FBN3: variants seen among roughly 807,000 people sequenced by gnomAD.
FBN3 encodes fibrillin-3.
A neutral mutation model predicts 330.1 loss-of-function variants in FBN3; 234 were observed. The ratio of observed to expected loss-of-function variants is 0.71; its 90% CI spans 0.64 to 0.79. The LOEUF (loss-of-function observed/expected upper bound fraction) is 0.79, where lower values mean the gene tolerates loss of function less well. FBN3 is among the 30% of genes least tolerant of loss of function. The probability of loss-of-function intolerance (pLI) is 0.00; values close to 1 mark genes in which losing one functional copy is unlikely to be tolerated. For missense variants in FBN3, 3,606 were observed against 3,886.9 expected (o/e 0.93, Z 1.92); for synonymous variants, 1,458 against 1,517.3 (o/e 0.96, Z 0.91).
chr19:8,103,002 C>A (rs1046405247), intron 39 of FBN3, 129 bp from the exon 40 acceptor site: 17 of 971,458 alleles, frequency 1.7e-5, no homozygotes, highest in Middle Eastern at 2.6e-4. Flanking sequence ...CACAGTGGCT[C>A]ATGCCTGTAA....
Position 8,096,107 on chromosome 19 carries a change from C to T in FBN3, c.5540-27G>A, listed in dbSNP as rs767972207. On this transcript the variant is annotated intron_variant, in intron 44 of 63. Transcript: ENST00000600128. The surrounding 1 kb of genome is among the most constrained non-coding windows in gnomAD (Gnocchi z 4.6). ...TGCAGAAGCAAAGCCGAGAGCCCAA[C>T]CCAGCTCACCCAGGGCATTGGGGAA... is the stretch of plus-strand genomic sequence containing the variant. 5 of 1,551,448 alleles carry T rather than the reference C, an allele frequency of 3.2e-6. No individual in the cohort carries two copies. Among genetic ancestry groups the T allele is most frequent in the Non-Finnish European group, 4.5e-6 (5 of 1,123,316 alleles).
chr19:8,136,565 T>C, intron 10 of FBN3, 34 bp from the exon 11 acceptor site: 2 of 1,610,944 alleles, frequency 1.2e-6, no homozygotes, highest in Non-Finnish European at 1.7e-6. Context: ...ATCTGAGCAG[T>C]GGCTGGCCCC....
At chr19:8,145,784 A>G (rs979163024) in intron 5 of FBN3, 59 bp downstream of exon 5, 5 of 1,339,602 alleles carry the variant, frequency 3.7e-6, no homozygotes, top group Non-Finnish European at 5.2e-6. Context: ...AGCAGAGACT[A>G]ATACTCTGGG....
chr19:8,069,661 C>G (rs1243112558), intron 63 of FBN3, among the ~76,000 whole-genome samples: 1 of 152,210 alleles, frequency 6.6e-6, no homozygotes, highest in Non-Finnish European at 1.5e-5. Flanking sequence ...TCACAGCTCT[C>G]TGCCGCTTTG....
chr19:8,089,720 C>T, intron 50 of FBN3, 50 bp from the exon 51 acceptor site: 2 of 1,606,754 alleles, frequency 1.2e-6, no homozygotes, highest in Non-Finnish European at 1.7e-6. Context: ...ACACAATCGC[C>T]AGAGCCCTGG....
chr19:8,084,419 C>T (rs1193714995), intron 56 of FBN3, among the ~76,000 whole-genome samples: 2 of 151,546 alleles, frequency 1.3e-5, no homozygotes, highest in Non-Finnish European at 1.5e-5. Flanking sequence ...TGCCTGTAAT[C>T]CCAGCATTTT....
chr19:8,072,956 C>T lies in FBN3; in HGVS notation c.7937+107G>A, dbSNP rs939955331. On this transcript the variant is annotated intron_variant, in intron 62 of 63. Transcript: ENST00000600128. Reference sequence around the variant, plus strand: ...GCTCTTCTGGTAAATTCTTGGCATGCACAAAGCCCCGTGTGTGTGTGTGTG... The same window carrying T: ...GCTCTTCTGGTAAATTCTTGGCATGTACAAAGCCCCGTGTGTGTGTGTGTG... 1.3e-5 allele frequency: 12 copies of T among 908,924 alleles called. No individual in the cohort carries two copies. In the Admixed American group the frequency reaches 1.5e-4, roughly 11 times the overall value. The allele number at this position is 908,924 out of a possible 1,614,324, so 56.3% of individuals were successfully genotyped here. A position where few individuals can be genotyped will look rare whatever the true frequency, so the allele number is the denominator to read the frequency against.
At chr19:8,091,744 C>T (rs6603140) in intron 47 of FBN3, among the ~76,000 whole-genome samples, 154 bp from the exon 48 acceptor site, 6,521 of 152,150 alleles carry the variant, frequency 0.043, 442 homozygotes, top group African/African-American at 0.14. Flanking sequence ...AGCTTCAGCA[C>T]GAGGTGGGCA....
At chr19:8,069,137 G>A (rs979869617) in intron 63 of FBN3, among the ~76,000 whole-genome samples, 6 of 152,186 alleles carry the variant, frequency 3.9e-5, no homozygotes, top group Non-Finnish European at 4.4e-5. Context: ...CAGGGCTGGA[G>A]AGGAGAGCGT....
chr19:8,101,884 T>G (rs182108459), intron 40 of FBN3, among the ~76,000 whole-genome samples: 1 of 152,368 alleles, frequency 6.6e-6, no homozygotes, highest in East Asian at 1.9e-4. Flanking sequence ...TTTAAAATAT[T>G]GCCTTCCATA....
At chr19:8,137,535 C>T (rs114393155) in intron 10 of FBN3, among the ~76,000 whole-genome samples, 1,964 of 152,274 alleles carry the variant, frequency 0.013, 48 homozygotes, top group African/African-American at 0.044. Context: ...GGCAAGAACC[C>T]ACCCCAGGCC....
intron 28 of FBN3, 43 bp downstream of exon 28, chr19:8,117,126 C>T (rs146103922): frequency 2.5e-6 from 4 of 1,610,560 alleles, no homozygotes; most frequent in Non-Finnish European, 3.4e-6. Context: ...ACCTCCTCCT[C>T]ACCCTCCACA....
At chr19:8,073,460 T>C (rs1316637327) in intron 61 of FBN3, among the ~76,000 whole-genome samples, 163 bp from the exon 62 acceptor site, 1 of 152,176 alleles carries the variant, frequency 6.6e-6, no homozygotes, top group African/African-American at 2.4e-5. Context: ...ATCGGCCCCA[T>C]AGCCCCGCTG....
In FBN3 at chr19:8,131,410, A is replaced by C. The variant is rs1295283003; in HGVS notation, c.1991-122T>G. The C allele has an allele frequency of 4.5e-5, 66 of 1,452,430 alleles. 1 individual carries two copies. The highest frequency in any genetic ancestry group is 5.9e-5 in the Non-Finnish European group (62 of 1,055,876). 90.0% of individuals were successfully genotyped at this position (1,452,430 alleles called of 1,614,324 possible). ...AGTTTGGGACTAAGACACAACTCCA[A>C]CCCCGGGGAGGGAGCAACTCCCTTC... On this transcript the variant is annotated intron_variant, in intron 15 of 63. Transcript: ENST00000600128. The surrounding 1 kb of genome is among the most constrained non-coding windows in gnomAD (Gnocchi z 4.5).
rs1328750659 is a variant in FBN3, at chr19:8,115,626, C to T, written c.3727G>A (p.Asp1243Asn). The T allele has an allele frequency of 8.1e-6, 13 of 1,613,856 alleles. No homozygotes were observed. The highest frequency in any genetic ancestry group is 1.1e-5 in the Non-Finnish European group (13 of 1,179,986). The change falls in exon 30 of 64, where the codon GAC becomes AAC. Residue 1243 changes from aspartate (D) to asparagine (N), a missense_variant. Physicochemically the swap from Asp to Asn is conservative, Grantham distance 23 (BLOSUM62 1). Transcript: ENST00000600128. ...TGGAGGCAGATGTGAGGGTTCAGGT[C>T]ACACTCATCCACATCTGTTGGGGAA... Reference protein sequence around the residue: ...MRTCVDVDECDLNPHICLHGD... With the variant: ...MRTCVDVDECNLNPHICLHGD...
intron 59 of FBN3, among the ~76,000 whole-genome samples, chr19:8,078,223 C>G (rs1288326932): frequency 6.6e-6 from 1 of 152,130 alleles, no homozygotes; most frequent in East Asian, 1.9e-4. Context: ...ACAGGAACAC[C>G]CTGAGACAAA....
chr19:8,096,745 C>T lies in FBN3; in HGVS notation c.5413+136G>A. The stretch of plus-strand genomic sequence containing the variant: ...TCTCACCTCTATCACATCCTATTAA[C>T]AGACACTCTCAATACATCCCCCACC... On this transcript the variant is annotated intron_variant, in intron 43 of 63. Transcript: ENST00000600128. The surrounding 1 kb of genome is among the most constrained non-coding windows in gnomAD (Gnocchi z 4.6). 2.3e-6 allele frequency: 3 copies of T among 1,284,462 alleles called. No individual in the cohort carries two copies. The highest frequency in any genetic ancestry group is 3.2e-6 in the Non-Finnish European group (3 of 926,150). 79.6% of individuals were successfully genotyped at this position (1,284,462 alleles called of 1,614,324 possible).
At position 8,089,931 on chromosome 19, in the gene FBN3, G is replaced by C; in HGVS notation, c.6213C>G (p.Gly2071=). Residue 2071 remains glycine (G), a synonymous_variant, in exon 50 of 64, where the codon GGC becomes GGG. Transcript: ENST00000600128. Reference sequence around the variant, plus strand: ...CATCCGGGCCTGGGACTGCCCCGTGGCCAAAGGGGCAGAGCTCCTGAAAGG... The same window carrying C: ...CATCCGGGCCTGGGACTGCCCCGTGCCCAAAGGGGCAGAGCTCCTGAAAGG... The part of the protein sequence containing the change: ...SAAFQELCPF[G]HGAVPGPDDS... The C allele has an allele frequency of 6.2e-7, 1 of 1,608,524 alleles. No individual in the cohort carries two copies. Among genetic ancestry groups the C allele is most frequent in the East Asian group, 2.2e-5 (1 of 44,762 alleles).
Position 8,147,419 on chromosome 19 carries a change from G to A in FBN3, c.62C>T (p.Ser21Leu), listed in dbSNP as rs757731027. 15 of 1,590,334 alleles carry A rather than the reference G, an allele frequency of 9.4e-6. No individual in the cohort carries two copies. The highest frequency in any genetic ancestry group is 1.1e-5 in the Non-Finnish European group (13 of 1,169,850). ...GCCACCTGCCATGCACAACAGGGCC[G>A]ACCAGGCCAGCAGGAGCCGGGCCAG... ...GPLARLLLAW[S>L]ALLCMAGGQG... Residue 21 changes from serine to leucine, a missense_variant, in exon 2 of 64, where the codon TCG (serine) becomes TTG (leucine). Physicochemically the swap from Ser to Leu is moderately radical, Grantham distance 145 (BLOSUM62 -2). Transcript: ENST00000600128.
Sources: allele counts gnomAD v4.1 joint callset (sites outside exome capture counted in the v4.1 genomes callset), GRCh38; gene constraint gnomAD v4.1.1; non-coding constraint Gnocchi (gnomAD v3.1); transcripts MANE v1.5; gene names NCBI Gene and HGNC (gene_info 2026-07-23, HGNC 2026-07-21).